Variants in ULK4 observed in about 807,000 individuals in gnomAD.
The protein encoded by ULK4 is inactive serine/threonine-protein kinase ULK4.
ULK4 carries 133 observed loss-of-function variants against 160.6 expected under a neutral mutation model. The ratio of observed to expected loss-of-function variants is 0.83; its 90% confidence interval spans 0.72 to 0.96. The LOEUF (loss-of-function observed/expected upper bound fraction) is 0.96, where lower values mean the gene tolerates loss of function less well. Among genes scored for constraint, ULK4 ranks in the 40% least tolerant of loss-of-function variants. The pLI, the probability that ULK4 is intolerant of heterozygous loss-of-function variation, is 0.00. For missense variants in ULK4, 1,580 were observed against 1,499.5 expected, an observed-to-expected ratio of 1.05 and a Z score of -0.89; for synonymous variants, 534 against 539.8, an observed-to-expected ratio of 0.99 and a Z score of 0.15.
intron 17 of ULK4, among the ~76,000 whole-genome samples, chr3:41,842,176 T>TG (rs1559599721): frequency 3.9e-4 from 48 of 121,650 alleles, no homozygotes; most frequent in African/African-American, 1.6e-3. Context: ...GCAATGAACA[T>TG]GTAAAAAAAA....
At chr3:41,697,406 T>TAA (rs143854536) in intron 27 of ULK4, among the ~76,000 whole-genome samples, 5 of 151,524 alleles carry the variant, frequency 3.3e-5, no homozygotes, top group East Asian at 1.9e-4. Context: ...TTAGAAAGGA[T>TAA]AAAAAAAATT....
At chr3:41,606,199 A>G (rs900316256) in intron 31 of ULK4, among the ~76,000 whole-genome samples, 1 of 151,980 alleles carries the variant, frequency 6.6e-6, no homozygotes, top group African/African-American at 2.4e-5. Flanking sequence ...AAGTCAGAAT[A>G]AGAGCAAAAA....
intron 35 of ULK4, among the ~76,000 whole-genome samples, chr3:41,314,770 CTA>C (rs2080116585): frequency 6.6e-6 from 1 of 151,880 alleles, no homozygotes; most frequent in African/African-American, 2.4e-5. Context: ...TGTAATTGTT[CTA>C]TGTGTCCTTC....
intron 21 of ULK4, among the ~76,000 whole-genome samples, chr3:41,772,486 C>G (rs963038318): frequency 1.1e-4 from 16 of 152,122 alleles, no homozygotes; most frequent in Non-Finnish European, 1.9e-4. Flanking sequence ...TGGATAAATT[C>G]CTCGACACAT....
intron 35 of ULK4, among the ~76,000 whole-genome samples, chr3:41,328,749 G>C (rs1384440438): frequency 1.3e-5 from 2 of 152,108 alleles, no homozygotes; most frequent in African/African-American, 4.8e-5. Context: ...CCAGGCAGAA[G>C]TAAGGGTGAG....
chr3:41,496,901 A>C (rs1164531683), intron 32 of ULK4, among the ~76,000 whole-genome samples: 8 of 152,182 alleles, frequency 5.3e-5, no homozygotes, highest in Admixed American at 2.0e-4. Flanking sequence ...CCAGTAAATT[A>C]AGTAACACCC....
intron 25 of ULK4, among the ~76,000 whole-genome samples, chr3:41,710,118 A>T (rs545060668): frequency 6.6e-6 from 1 of 152,146 alleles, no homozygotes; most frequent in East Asian, 1.9e-4. Context: ...TATATATATA[A>T]ATAAAGCTTG....
chr3:41,691,117 G>C (rs1265971327), intron 27 of ULK4, among the ~76,000 whole-genome samples: 1 of 151,916 alleles, frequency 6.6e-6, no homozygotes, highest in Non-Finnish European at 1.5e-5. Flanking sequence ...TGCACTAAGA[G>C]GCAAAATGGC....
chr3:41,839,382 C>T (rs1264904262), intron 17 of ULK4, among the ~76,000 whole-genome samples: 1 of 150,310 alleles, frequency 6.7e-6, no homozygotes, highest in African/African-American at 2.4e-5. Flanking sequence ...ACAAAAAATA[C>T]TAAATATGTG....
chr3:41,702,735 T>C (rs1328199570), intron 27 of ULK4, among the ~76,000 whole-genome samples: 3 of 152,032 alleles, frequency 2.0e-5, no homozygotes, highest in Admixed American at 6.6e-5. Context: ...ACAAAAATTG[T>C]CAGAACTACA....
At chr3:41,269,718 T>C (rs1028477169) in intron 35 of ULK4, among the ~76,000 whole-genome samples, 3 of 152,228 alleles carry the variant, frequency 2.0e-5, no homozygotes, top group Non-Finnish European at 4.4e-5. Context: ...TCCTTATAAA[T>C]AGTACAATCT....
chr3:41,679,166 G>T (rs2035837436), intron 29 of ULK4, among the ~76,000 whole-genome samples: 1 of 151,752 alleles, frequency 6.6e-6, no homozygotes, highest in Non-Finnish European at 1.5e-5. Flanking sequence ...TACTATTATT[G>T]CCCTATTACA....
intron 35 of ULK4, among the ~76,000 whole-genome samples, chr3:41,312,149 A>G (rs2080063947): frequency 6.6e-6 from 1 of 151,774 alleles, no homozygotes; most frequent in African/African-American, 2.4e-5. Context: ...TAATTTTTAG[A>G]AAATTGTTTA....
chr3:41,475,812 T>C (rs997741841), intron 32 of ULK4, among the ~76,000 whole-genome samples: 1 of 151,998 alleles, frequency 6.6e-6, no homozygotes, highest in African/African-American at 2.4e-5. Context: ...ACCATGTAAG[T>C]GTAGACATAT....
chr3:41,323,015 G>A (rs896919331), intron 35 of ULK4, among the ~76,000 whole-genome samples: 3 of 151,726 alleles, frequency 2.0e-5, no homozygotes, highest in South Asian at 2.1e-4. Flanking sequence ...TCGGCTCACC[G>A]CAACTTCTGC....
At chr3:41,500,535 C>T (rs2085162427) in intron 32 of ULK4, among the ~76,000 whole-genome samples, 1 of 152,120 alleles carries the variant, frequency 6.6e-6, no homozygotes, top group South Asian at 2.1e-4. Context: ...GGAATCAGAG[C>T]AGTGGAGTGG....
At chr3:41,680,324 T>C (rs1476712351) in intron 29 of ULK4, among the ~76,000 whole-genome samples, 1 of 152,140 alleles carries the variant, frequency 6.6e-6, no homozygotes, top group East Asian at 1.9e-4. Context: ...ACAGTACATA[T>C]TAATTATCAG....
At chr3:41,616,039 TAACC>T (rs2032944494) in intron 30 of ULK4, among the ~76,000 whole-genome samples, 1 of 152,200 alleles carries the variant, frequency 6.6e-6, no homozygotes, top group African/African-American at 2.4e-5. Flanking sequence ...TGAAATAATG[TAACC>T]AACCCTCTCT....
chr3:41,334,496 GA>G (rs915777048), intron 35 of ULK4, among the ~76,000 whole-genome samples: 211 of 152,168 alleles, frequency 1.4e-3, no homozygotes, highest in Non-Finnish European at 3.8e-4. Flanking sequence ...GGCCATGTGG[GA>G]AAAAAATTGG....
Sources: gnomAD v4.1 joint callset for allele counts (sites outside exome capture counted in the v4.1 genomes callset) on GRCh38, gnomAD v4.1.1 for gene constraint, MANE v1.5 for transcripts, NCBI Gene and HGNC (gene_info 2026-07-23, HGNC 2026-07-21) for gene names.